Variants in ZDHHC14 observed in about 807,000 individuals in gnomAD.
The protein encoded by ZDHHC14 is zDHHC palmitoyltransferase 14.
A neutral mutation model predicts 47.7 loss-of-function variants in ZDHHC14; 16 were observed. The ratio of observed to expected loss-of-function variants is 0.34; its 90% CI spans 0.23 to 0.51. The LOEUF (loss-of-function observed/expected upper bound fraction) is 0.51, where lower values mean the gene tolerates loss of function less well. Among genes scored for constraint, ZDHHC14 ranks in the 20% least tolerant of loss-of-function variants. The pLI is 0.97. For missense variants in ZDHHC14, 515 were observed against 662.5 expected (o/e 0.78, Z 2.44); for synonymous variants, 293 against 278.9 (o/e 1.05, Z -0.50).
intron 3 of ZDHHC14, among the ~76,000 whole-genome samples, chr6:157,610,942 G>T (rs1784728668): frequency 6.6e-6 from 1 of 152,224 alleles, no homozygotes; most frequent in African/African-American, 2.4e-5. Flanking sequence ...GGCCCTGTGG[G>T]ACTTTCTGGA....
chr6:157,422,404 C>T (rs948872813), intron 1 of ZDHHC14, among the ~76,000 whole-genome samples: 3 of 152,086 alleles, frequency 2.0e-5, no homozygotes, highest in Non-Finnish European at 4.4e-5. Flanking sequence ...TTTCTGGATT[C>T]TGTACTTCCA....
chr6:157,486,505 A>G (rs1449048408), intron 1 of ZDHHC14, among the ~76,000 whole-genome samples: 2 of 152,252 alleles, frequency 1.3e-5, no homozygotes, highest in East Asian at 3.8e-4. Flanking sequence ...TCCAAGTTAG[A>G]TCTTGAATCA....
intron 1 of ZDHHC14, among the ~76,000 whole-genome samples, chr6:157,411,873 G>A (rs1409729734): frequency 6.6e-6 from 1 of 151,664 alleles, no homozygotes; most frequent in East Asian, 1.9e-4. Flanking sequence ...CGGGAAGGGT[G>A]GTAGGAAGAT....
chr6:157,464,746 G>A (rs757606698), intron 1 of ZDHHC14, among the ~76,000 whole-genome samples: 1 of 152,192 alleles, frequency 6.6e-6, no homozygotes, highest in Admixed American at 6.5e-5. Flanking sequence ...TCCTGGTTCT[G>A]TGGGTTGACT....
At chr6:157,457,366 G>C (rs1377072041) in intron 1 of ZDHHC14, among the ~76,000 whole-genome samples, 1 of 152,076 alleles carries the variant, frequency 6.6e-6, no homozygotes. Flanking sequence ...TGTAAAATCT[G>C]TTTTGTGATC....
chr6:157,511,734 A>T (rs541445054), intron 1 of ZDHHC14, among the ~76,000 whole-genome samples: 100 of 152,034 alleles, frequency 6.6e-4, no homozygotes, highest in Non-Finnish European at 1.3e-3. Context: ...CAAATATTGG[A>T]AATGTTCAGC....
chr6:157,584,657 T>C (rs368053231), intron 2 of ZDHHC14, among the ~76,000 whole-genome samples: 43 of 152,242 alleles, frequency 2.8e-4, no homozygotes, highest in East Asian at 1.5e-3. Flanking sequence ...AGTCCAGGAA[T>C]TCTGTGTGAA....
At chr6:157,612,409 C>T (rs1434543549) in intron 3 of ZDHHC14, among the ~76,000 whole-genome samples, 2 of 152,202 alleles carry the variant, frequency 1.3e-5, no homozygotes, top group Non-Finnish European at 2.9e-5. Context: ...CCACCTCTCT[C>T]GGCTTGCACC....
intron 2 of ZDHHC14, among the ~76,000 whole-genome samples, chr6:157,567,568 C>A (rs1337412414): frequency 2.0e-5 from 3 of 152,150 alleles, no homozygotes; most frequent in Admixed American, 2.0e-4. Context: ...GTAATCCCAA[C>A]ACTTTGGGAG....
At chr6:157,456,140 AG>A (rs1414855367) in intron 1 of ZDHHC14, among the ~76,000 whole-genome samples, 2 of 152,104 alleles carry the variant, frequency 1.3e-5, no homozygotes, top group Non-Finnish European at 2.9e-5. Context: ...CTGCTGCGGG[AG>A]GGAAGCTCTT....
intron 2 of ZDHHC14, 98 bp from the exon 3 acceptor site, chr6:157,592,890 T>C (rs1783970994): frequency 2.0e-6 from 3 of 1,500,874 alleles, no homozygotes; most frequent in South Asian, 1.4e-5. Flanking sequence ...CCAGCCGCTG[T>C]GCCTGCTGCC....
intron 3 of ZDHHC14, among the ~76,000 whole-genome samples, chr6:157,597,595 C>T (rs1784181237): frequency 6.6e-6 from 1 of 152,250 alleles, no homozygotes; most frequent in African/African-American, 2.4e-5. Flanking sequence ...TCTGGCCAGA[C>T]CCAGGCAGCT....
intron 1 of ZDHHC14, among the ~76,000 whole-genome samples, chr6:157,405,651 G>T (rs1005401264): frequency 2.0e-5 from 3 of 152,152 alleles, no homozygotes; most frequent in Non-Finnish European, 4.4e-5. Flanking sequence ...TGGAAAATAT[G>T]TTGTACTGTT....
Position 157,502,816 on chromosome 6 carries a change from A to G in ZDHHC14, c.246-39769A>G, listed in dbSNP as rs1780220633. 6.6e-6 allele frequency among the ~76,000 whole-genome samples: 1 copy of G among 151,996 alleles called. No individual in the cohort carries two copies. The highest frequency in any genetic ancestry group is 2.4e-5 in the African/African-American group (1 of 41,354). On this transcript the variant is annotated intron_variant, in intron 1 of 8. Coordinates refer to ENST00000359775, the MANE Select transcript of ZDHHC14 (RefSeq NM_024630.3). This position sits in a 1 kb window ranked among gnomAD's most constrained non-coding sequence, Gnocchi z 4.0. ...AGCGATTCTCCTGGCTCAGCCTCTC[A>G]AGTAGCTGGGATTACAGGTGCCCAT...
intron 1 of ZDHHC14, among the ~76,000 whole-genome samples, chr6:157,516,856 C>T (rs1333097230): frequency 6.6e-6 from 1 of 152,198 alleles, no homozygotes; most frequent in Non-Finnish European, 1.5e-5. Context: ...CTGTCATCTT[C>T]CAGATGAAAC....
chr6:157,522,977 T>TTCC (rs1781008702), intron 1 of ZDHHC14, among the ~76,000 whole-genome samples: 5 of 36,802 alleles, frequency 1.4e-4, no homozygotes, highest in African/African-American at 7.3e-4. Flanking sequence ...TTTCTTTTCT[T>TTCC]TTCTTTTTCT....
intron 1 of ZDHHC14, among the ~76,000 whole-genome samples, chr6:157,525,700 G>A (rs867150294): frequency 2.3e-4 from 35 of 152,314 alleles, no homozygotes; most frequent in Middle Eastern, 3.4e-3. Context: ...GCTCCCTACC[G>A]TATTGTGGAG....
chr6:157,410,799 C>G (rs541594111), intron 1 of ZDHHC14, among the ~76,000 whole-genome samples: 1 of 152,126 alleles, frequency 6.6e-6, no homozygotes, highest in Non-Finnish European at 1.5e-5. Context: ...TGGGTTCAAG[C>G]GATTCTCCTG....
chr6:157,464,056 C>T lies in ZDHHC14; in HGVS notation c.246-78529C>T, dbSNP rs146676027. On this transcript the variant is annotated intron_variant, in intron 1 of 8. Transcript: ENST00000359775. ...TAAAATAAAATAAAATAAATTAACA[C>T]TAATGATGAAACTTTTAAAAGTTGT... 2.0e-3 allele frequency among the ~76,000 whole-genome samples: 306 copies of T among 152,198 alleles called. 4 individuals carry two copies. Among genetic ancestry groups the T allele is most frequent in the African/African-American group, 7.0e-3 (289 of 41,526 alleles).
Sources: allele counts gnomAD v4.1 joint callset (sites outside exome capture counted in the v4.1 genomes callset), GRCh38; gene constraint gnomAD v4.1.1; non-coding constraint Gnocchi (gnomAD v3.1); transcripts MANE v1.5; gene names NCBI Gene and HGNC (gene_info 2026-07-23, HGNC 2026-07-21).